Variants in APBB2 observed in about 807,000 individuals in gnomAD.
APBB2 encodes the protein Fe65-like 1.
APBB2 carries 38 observed loss-of-function variants against 82.5 expected under a neutral mutation model. The ratio of observed to expected loss-of-function variants is 0.46; its 90% CI spans 0.36 to 0.60. APBB2 has a LOEUF of 0.60. APBB2 is among the 20% of genes least tolerant of loss of function. The pLI, the probability that APBB2 is intolerant of heterozygous loss-of-function variation, is 0.00. For missense variants in APBB2, 772 were observed against 972.3 expected, an observed-to-expected ratio of 0.79 and a Z score of 2.74; for synonymous variants, 341 against 368.2, an observed-to-expected ratio of 0.93 and a Z score of 0.85.
chr4:40,982,217 G>GA (rs1416170372), intron 6 of APBB2, among the ~76,000 whole-genome samples: 6 of 3,812 alleles, frequency 1.6e-3, no homozygotes, highest in African/African-American at 3.7e-3. Flanking sequence ...AGAAAGAAAA[G>GA]AAAGGAAAGA....
At chr4:40,918,575 TAAC>T (rs1041046122) in intron 10 of APBB2, among the ~76,000 whole-genome samples, 1 of 152,174 alleles carries the variant, frequency 6.6e-6, no homozygotes, top group Non-Finnish European at 1.5e-5. Context: ...ACTCTCTCAA[TAAC>T]AACACGAACA....
chr4:41,112,119 G>A (rs1290065443), intron 2 of APBB2, among the ~76,000 whole-genome samples: 1 of 152,166 alleles, frequency 6.6e-6, no homozygotes, highest in Non-Finnish European at 1.5e-5. Flanking sequence ...TGCACCTGCA[G>A]GTGAGGTGGA....
At chr4:41,047,197 G>T (rs763222172) in intron 4 of APBB2, among the ~76,000 whole-genome samples, 13 of 152,176 alleles carry the variant, frequency 8.5e-5, no homozygotes, top group Non-Finnish European at 1.8e-4. Context: ...AAAAATTTCT[G>T]TTCTACTCCA....
intron 12 of APBB2, chr4:40,880,492 T>C: frequency 1.0e-6 from 1 of 985,466 alleles, no homozygotes; most frequent in Non-Finnish European, 1.2e-6. Flanking sequence ...ACTGAACATC[T>C]GCATAAGTTC....
At chr4:41,117,590 C>G (rs1382293096) in intron 2 of APBB2, among the ~76,000 whole-genome samples, 1 of 152,096 alleles carries the variant, frequency 6.6e-6, no homozygotes, top group South Asian at 2.1e-4. Context: ...CACGCCTGGC[C>G]TAGGAATTAT....
At chr4:41,109,933 T>C (rs1271275167) in intron 2 of APBB2, among the ~76,000 whole-genome samples, 1 of 152,222 alleles carries the variant, frequency 6.6e-6, no homozygotes, top group East Asian at 1.9e-4. Flanking sequence ...CAAGGTGCTT[T>C]GTATTATTTA....
chr4:40,849,223 C>A (rs1758549513), intron 12 of APBB2, among the ~76,000 whole-genome samples: 3 of 152,154 alleles, frequency 2.0e-5, no homozygotes, highest in Non-Finnish European at 4.4e-5. Context: ...TCAGCTGAAA[C>A]AATGTTAATA....
At chr4:40,850,777 A>AC (rs112062223) in intron 12 of APBB2, among the ~76,000 whole-genome samples, 2,104 of 152,176 alleles carry the variant, frequency 0.014, 59 homozygotes, top group African/African-American at 0.049. Flanking sequence ...CCTCAGCTCT[A>AC]AAAAAAATTT....
At chr4:40,904,416 G>A (rs1776137619) in intron 10 of APBB2, among the ~76,000 whole-genome samples, 1 of 151,028 alleles carries the variant, frequency 6.6e-6, no homozygotes, top group South Asian at 2.1e-4. Context: ...GGGTGACAGA[G>A]TGAGACTCCA....
chr4:40,880,059 A>T, intron 12 of APBB2: 9 of 985,418 alleles, frequency 9.1e-6, no homozygotes, highest in Non-Finnish European at 1.1e-5. Flanking sequence ...GAGCGATGGC[A>T]CTTATGACCC....
At chr4:41,171,646 T>C (rs1169139003) in intron 1 of APBB2, among the ~76,000 whole-genome samples, 1 of 152,208 alleles carries the variant, frequency 6.6e-6, no homozygotes, top group African/African-American at 2.4e-5. Flanking sequence ...CATACATCTA[T>C]CCATGTCTTG....
intron 1 of APBB2, among the ~76,000 whole-genome samples, chr4:41,213,279 C>T (rs1779786800): frequency 6.6e-6 from 1 of 152,078 alleles, no homozygotes; most frequent in Admixed American, 6.6e-5. Context: ...TTGGGTATTT[C>T]ACGTAAGTAA....
At chr4:41,157,021 A>C (rs1342643871) in intron 1 of APBB2, among the ~76,000 whole-genome samples, 1 of 149,092 alleles carries the variant, frequency 6.7e-6, no homozygotes, top group Non-Finnish European at 1.5e-5. Flanking sequence ...ACCCAAGATC[A>C]CGCCACTGCA....
chr4:40,932,786 G>A (rs1784517038), intron 10 of APBB2, among the ~76,000 whole-genome samples: 1 of 152,204 alleles, frequency 6.6e-6, no homozygotes, highest in Admixed American at 6.5e-5. Context: ...AAAAGCAGGG[G>A]GAAGACGCTA....
chr4:41,141,342 G>C (rs1260440975), intron 2 of APBB2, among the ~76,000 whole-genome samples: 1 of 98,844 alleles, frequency 1.0e-5, no homozygotes, highest in Non-Finnish European at 2.2e-5. Flanking sequence ...CTGTGTGTGT[G>C]TGTGTCTGTG....
intron 12 of APBB2, among the ~76,000 whole-genome samples, chr4:40,847,846 G>A (rs1758146642): frequency 6.7e-6 from 1 of 149,834 alleles, no homozygotes; most frequent in South Asian, 2.1e-4. Flanking sequence ...TCGCTCTGTT[G>A]CCCAGGCAGG....
rs186849805 is a variant in APBB2 at position 41,161,704 on chromosome 4, G to A, written c.-416-18562C>T. On this transcript the variant is annotated intron_variant, in intron 1 of 17. Transcript: ENST00000508593. ...TTCTTATTTACTCAGGAGAGTAGGT[G>A]AAGCCCAGAAATGTTGAAAGAGTGG... 2.1e-3 allele frequency among the ~76,000 whole-genome samples: 318 copies of A among 152,322 alleles called. 1 individual carries two copies. Among genetic ancestry groups the A allele is most frequent in the Admixed American group, 3.3e-3 (50 of 15,304 alleles).
rs200567286 is a variant in APBB2, at chr4:41,032,548, A to C, written c.19+688T>G. On this transcript the variant is annotated intron_variant, in intron 5 of 17. Transcript: ENST00000508593. Reference sequence around the variant, plus strand: ...TAAGCAAACTCTACAAGCTATTAATAAGATGCAGATTGAGAAACGCAACAC... The same window carrying C: ...TAAGCAAACTCTACAAGCTATTAATCAGATGCAGATTGAGAAACGCAACAC... Among the ~76,000 whole-genome samples, 3 of 152,266 alleles carry C rather than the reference A, an allele frequency of 2.0e-5. No individual in the cohort carries two copies. In the East Asian group the frequency reaches 5.8e-4, roughly 29 times the overall value.
chr4:40,950,189 A>G (rs1395618078), intron 6 of APBB2, among the ~76,000 whole-genome samples: 2 of 152,254 alleles, frequency 1.3e-5, no homozygotes, highest in Admixed American at 1.3e-4. Flanking sequence ...TACAATACCA[A>G]TTGTTGGCAG....
Sources: gnomAD v4.1 joint callset for allele counts (sites outside exome capture counted in the v4.1 genomes callset) on GRCh38, gnomAD v4.1.1 for gene constraint, MANE v1.5 for transcripts, NCBI Gene and HGNC (gene_info 2026-07-23, HGNC 2026-07-21) for gene names.